The following CCDC171 variants were observed in gnomAD, a reference collection of about 807,000 sequenced individuals.
The protein encoded by CCDC171 is coiled-coil domain containing 171.
A neutral mutation model predicts 168.2 loss-of-function variants in CCDC171; 177 were observed. The ratio of observed to expected loss-of-function variants is 1.05; its 90% CI spans 0.93 to 1.19. The LOEUF (loss-of-function observed/expected upper bound fraction) is 1.19. CCDC171 is among the 50% of genes most tolerant of loss of function. The pLI is 0.00. For missense variants in CCDC171, 1,991 were observed against 1,539.0 expected (o/e 1.29, Z -4.91); for synonymous variants, 687 against 540.8 (o/e 1.27, Z -3.75).
chr9:15,844,726 T>C (rs2060823214), intron 21 of CCDC171, among the ~76,000 whole-genome samples: 1 of 151,992 alleles, frequency 6.6e-6, no homozygotes, highest in Non-Finnish European at 1.5e-5. Context: ...GACATGAAAA[T>C]GAAAGAATGG....
At chr9:15,571,396 C>T (rs561252887) in intron 2 of CCDC171, among the ~76,000 whole-genome samples, 15 of 152,184 alleles carry the variant, frequency 9.9e-5, no homozygotes, top group African/African-American at 3.4e-4. Flanking sequence ...GTGGTAATTT[C>T]CCATTAGACA....
intron 1 of CCDC171, among the ~76,000 whole-genome samples, chr9:16,050,484 C>A (rs969539088): frequency 5.9e-5 from 9 of 152,140 alleles, no homozygotes; most frequent in African/African-American, 1.9e-4. Flanking sequence ...TCTCTCCTGG[C>A]AAATTATTTA....
At chr9:15,913,410 C>T (rs1003113089) in intron 24 of CCDC171, among the ~76,000 whole-genome samples, 7 of 152,064 alleles carry the variant, frequency 4.6e-5, no homozygotes, top group African/African-American at 1.7e-4. Context: ...CTATTTGATT[C>T]TTGTCTCTTT....
chr9:15,706,264 C>CCTTCCTTCCTTT, intron 11 of CCDC171, among the ~76,000 whole-genome samples: 1 of 151,526 alleles, frequency 6.6e-6, no homozygotes, highest in African/African-American at 2.4e-5. Context: ...TTCCTTCCTT[C>CCTTCCTTCCTTT]CTTCCTTTCT....
At chr9:15,867,504 C>T (rs546159853) in intron 23 of CCDC171, among the ~76,000 whole-genome samples, 2 of 152,040 alleles carry the variant, frequency 1.3e-5, no homozygotes, top group South Asian at 2.1e-4. Context: ...GATCTTGGTT[C>T]CTGAAGATCA....
intron 16 of CCDC171, among the ~76,000 whole-genome samples, chr9:15,741,990 GC>G (rs1217944625): frequency 2.6e-5 from 4 of 152,234 alleles, no homozygotes; most frequent in African/African-American, 9.6e-5. Context: ...AAACACTTTT[GC>G]CTGAGACACT....
intron 14 of CCDC171, 75 bp downstream of exon 14, chr9:15,725,051 T>G (rs1405267315): frequency 9.3e-7 from 1 of 1,071,632 alleles, no homozygotes; most frequent in Non-Finnish European, 1.4e-6. Flanking sequence ...GTGACTATTT[T>G]TACTTGTATT....
chr9:15,678,633 G>T (rs2133408690), intron 9 of CCDC171, 125 bp from the exon 10 acceptor site: 1 of 660,172 alleles, frequency 1.5e-6, no homozygotes, highest in Non-Finnish European at 2.4e-6. Context: ...AAAGGAGTTA[G>T]CCTTAAAAAG....
intron 24 of CCDC171, among the ~76,000 whole-genome samples, chr9:15,902,126 T>TA (rs1443069525): frequency 1.3e-5 from 2 of 152,022 alleles, no homozygotes; most frequent in East Asian, 1.9e-4. Context: ...GTGACATTTG[T>TA]AAAAAAATAA....
At chr9:15,796,805 C>A (rs1305861339) in intron 21 of CCDC171, among the ~76,000 whole-genome samples, 1 of 152,168 alleles carries the variant, frequency 6.6e-6, no homozygotes, top group East Asian at 1.9e-4. Flanking sequence ...TGGGCCAAAT[C>A]AGACCTGGCA....
intron 9 of CCDC171, among the ~76,000 whole-genome samples, chr9:15,677,961 G>A (rs1423405121): frequency 7.9e-6 from 1 of 127,166 alleles, no homozygotes. Context: ...CTAGACTGGA[G>A]TGCAGTGGCA....
chr9:16,071,038 T>G, the CCDC171 span, among the ~76,000 whole-genome samples: 1 of 152,174 alleles, frequency 6.6e-6, no homozygotes, highest in African/African-American at 2.4e-5. Context: ...GAATTTCCTT[T>G]TCAACTGAGG....
At chr9:15,662,283 C>A (rs1286336210) in intron 8 of CCDC171, among the ~76,000 whole-genome samples, 2 of 151,762 alleles carry the variant, frequency 1.3e-5, no homozygotes, top group Non-Finnish European at 2.9e-5. Flanking sequence ...TCCCCATCCC[C>A]CCTCCCCCCC....
the CCDC171 span, among the ~76,000 whole-genome samples, chr9:16,071,095 C>T: frequency 2.6e-5 from 4 of 152,162 alleles, no homozygotes; most frequent in Non-Finnish European, 5.9e-5. Flanking sequence ...GGAGCCGTCA[C>T]AGTGAGAGAG....
the CCDC171 span, among the ~76,000 whole-genome samples, chr9:16,107,638 A>G: frequency 6.6e-6 from 1 of 152,196 alleles, no homozygotes. Flanking sequence ...ATATATATAC[A>G]TGTAAGTGTT....
chr9:15,798,534 C>G (rs2058666848), intron 21 of CCDC171, among the ~76,000 whole-genome samples: 2 of 152,138 alleles, frequency 1.3e-5, no homozygotes, highest in Non-Finnish European at 2.9e-5. Flanking sequence ...ACTTATCAAT[C>G]TGTCACATTT....
chr9:15,704,455 A>T (rs2052049451), intron 11 of CCDC171, among the ~76,000 whole-genome samples: 1 of 151,968 alleles, frequency 6.6e-6, no homozygotes, highest in Non-Finnish European at 1.5e-5. Context: ...GTGGCGCTTT[A>T]CCTCCTTTTT....
At chr9:15,866,695 G>A (rs898218018) in intron 23 of CCDC171, among the ~76,000 whole-genome samples, 17 of 151,958 alleles carry the variant, frequency 1.1e-4, no homozygotes, top group Admixed American at 9.9e-4. Context: ...TAATACTCTG[G>A]CAAAGAAAGA....
chr9:16,079,158 A>T, the CCDC171 span, among the ~76,000 whole-genome samples: 2 of 152,192 alleles, frequency 1.3e-5, no homozygotes, highest in East Asian at 3.9e-4. Flanking sequence ...GTAAAAGCAG[A>T]TCCTCAGCTG....
Sources: gnomAD v4.1 joint callset for allele counts (sites outside exome capture counted in the v4.1 genomes callset) on GRCh38, gnomAD v4.1.1 for gene constraint, MANE v1.5 for transcripts, NCBI Gene and HGNC (gene_info 2026-07-23, HGNC 2026-07-21) for gene names.